HYAL4: variants seen among roughly 807,000 people sequenced by gnomAD.
The protein encoded by HYAL4 is hyaluronidase 4.
Under a neutral mutation model 35.2 loss-of-function variants are expected in HYAL4, and 37 were observed. That is an observed-to-expected ratio of 1.05 (90% CI 0.81 to 1.38). The LOEUF is 1.38. Among genes scored for constraint, HYAL4 ranks in the 40% most tolerant of loss-of-function variants. The probability of loss-of-function intolerance (pLI) is 0.00; values close to 1 mark genes in which losing one functional copy is unlikely to be tolerated. For missense variants in HYAL4, 572 were observed against 572.4 expected, an observed-to-expected ratio of 1.00 and a Z score of 0.01; for synonymous variants, 198 against 203.2, an observed-to-expected ratio of 0.97 and a Z score of 0.22.
chr7:123,856,517 A>G (rs536724722), intron 2 of HYAL4, among the ~76,000 whole-genome samples: 24 of 152,112 alleles, frequency 1.6e-4, no homozygotes, highest in Non-Finnish European at 2.9e-4. Context: ...TGGTATCACT[A>G]GGAGGCTGCA....
Position 123,868,671 on chromosome 7 carries a change from T to C in HYAL4, c.398T>C (p.Ile133Thr). The C allele has an allele frequency of 1.9e-6, 3 of 1,613,788 alleles. No individual in the cohort carries two copies. Among genetic ancestry groups the C allele is most frequent in the South Asian group, 1.1e-5 (1 of 90,904 alleles). The change falls in exon 3 of 5, where the codon ATC becomes ACC. Residue 133 changes from isoleucine (I) to threonine (T), a missense_variant. Ile to Thr is a moderately conservative substitution (Grantham distance 89). Coordinates refer to ENST00000223026, the MANE Select transcript of HYAL4 (RefSeq NM_012269.3). ...GCTGACCAAGATATTAATTATTACA[T>C]CCCTGCTGAAGATTTCAGTGGACTT... ...EKADQDINYY[I>T]PAEDFSGLAV...
chr7:123,783,177 A>T, the HYAL4 span, among the ~76,000 whole-genome samples: 5 of 152,154 alleles, frequency 3.3e-5, no homozygotes, highest in East Asian at 7.7e-4. Flanking sequence ...ATAAATATTC[A>T]TCCCATGCGT....
upstream of HYAL4, chr7:123,844,147 G>A (rs1806126121): frequency 6.6e-6 from 1 of 151,936 alleles, no homozygotes; most frequent in African/African-American, 2.4e-5. Context: ...ATCTACCTTT[G>A]GTCTTTGATG....
chr7:123,868,707 A>T lies in HYAL4; in HGVS notation c.434A>T (p.Asp145Val). The change falls in exon 3 of 5, where the codon GAT becomes GTT. Residue 145 changes from aspartate (D) to valine (V), a missense_variant. Asp to Val is a radical substitution (Grantham distance 152). Coordinates refer to ENST00000223026, the MANE Select transcript of HYAL4 (RefSeq NM_012269.3). ...GATTTCAGTGGACTTGCTGTTATAGATTGGGAATATTGGCGACCACAGTGG... is the reference window on the plus strand; with the variant it reads ...GATTTCAGTGGACTTGCTGTTATAGTTTGGGAATATTGGCGACCACAGTGG... ...AEDFSGLAVI[D>V]WEYWRPQWAR... is the part of the protein sequence containing the mutation. 6.2e-7 allele frequency: 1 copy of T among 1,613,762 alleles called. No homozygotes were observed. The highest frequency in any genetic ancestry group is 8.5e-7 in the Non-Finnish European group (1 of 1,179,962).
At chr7:123,777,339 AAAT>A in the HYAL4 span, among the ~76,000 whole-genome samples, 12 of 152,160 alleles carry the variant, frequency 7.9e-5, no homozygotes, top group Admixed American at 4.6e-4. Context: ...TAACATATTG[AAAT>A]AATAATGTCT....
the HYAL4 span, among the ~76,000 whole-genome samples, chr7:123,785,498 G>A: frequency 2.6e-4 from 40 of 152,138 alleles, 1 homozygote; most frequent in African/African-American, 9.2e-4. The surrounding 1 kb of genome is among the most constrained non-coding windows in gnomAD (Gnocchi z 4.5). Flanking sequence ...CAGAAGGGCT[G>A]CACTCAATGT....
chr7:123,856,821 A>G (rs1187500810), intron 2 of HYAL4, among the ~76,000 whole-genome samples: 5 of 152,130 alleles, frequency 3.3e-5, no homozygotes, highest in Admixed American at 2.6e-4. Flanking sequence ...TCCTAGGGCA[A>G]TGGGAGTTTT....
chr7:123,763,913 C>T, the HYAL4 span, among the ~76,000 whole-genome samples: 1 of 152,204 alleles, frequency 6.6e-6, no homozygotes, highest in South Asian at 2.1e-4. Context: ...ACACTTTATT[C>T]CCTCTCCTTG....
At chr7:123,866,919 T>C (rs1806703251) in intron 2 of HYAL4, among the ~76,000 whole-genome samples, 1 of 151,972 alleles carries the variant, frequency 6.6e-6, no homozygotes, top group Non-Finnish European at 1.5e-5. Context: ...GCCTCCTCAG[T>C]AGCTGGGACT....
At chr7:123,812,417 A>G in the HYAL4 span, among the ~76,000 whole-genome samples, 1 of 152,178 alleles carries the variant, frequency 6.6e-6, no homozygotes, top group African/African-American at 2.4e-5. Flanking sequence ...TATAATGCAT[A>G]TTTTTGTTAC....
chr7:123,854,847 T>C (rs1055819843), intron 2 of HYAL4, among the ~76,000 whole-genome samples: 1 of 152,204 alleles, frequency 6.6e-6, no homozygotes, highest in Admixed American at 6.5e-5. Context: ...TATTATTGTG[T>C]GGGAGTCTAT....
the HYAL4 span, among the ~76,000 whole-genome samples, chr7:123,773,222 C>T: frequency 1.3e-5 from 2 of 152,122 alleles, no homozygotes; most frequent in Admixed American, 1.3e-4. Context: ...TCCAGGTGCT[C>T]TTCTTGTATG....
chr7:123,831,034 C>T (rs1396613453), intron 1 of HYAL4, among the ~76,000 whole-genome samples: 1 of 152,180 alleles, frequency 6.6e-6, no homozygotes, highest in Non-Finnish European at 1.5e-5. Flanking sequence ...CCCACCAAAA[C>T]TCACATTGAA....
chr7:123,784,162 G>A, the HYAL4 span, among the ~76,000 whole-genome samples: 1 of 152,132 alleles, frequency 6.6e-6, no homozygotes, highest in Non-Finnish European at 1.5e-5. Flanking sequence ...AGTACGTCTA[G>A]TCTTGATTTA....
chr7:123,877,259 T>C lies in HYAL4; in HGVS notation c.*104T>C. 1.8e-6 allele frequency: 2 copies of C among 1,115,226 alleles called. No individual in the cohort carries two copies. The highest frequency in any genetic ancestry group is 2.6e-6 in the Non-Finnish European group (2 of 780,926). 69.1% of individuals were successfully genotyped at this position (1,115,226 alleles called of 1,614,324 possible). On this transcript the variant is annotated 3_prime_UTR_variant, in exon 5 of 5. Transcript: ENST00000223026. ...CTCTTATGAATTCTATTGAGAGATA[T>C]TATAAGTAGACATTATGTATGTCAC...
intron 2 of HYAL4, among the ~76,000 whole-genome samples, chr7:123,850,491 C>T (rs1806278811): frequency 1.3e-5 from 2 of 152,098 alleles, no homozygotes; most frequent in African/African-American, 2.4e-5. Context: ...TCCTCCTCCT[C>T]GGCCTCCCAA....
At chr7:123,866,600 A>G (rs912123034) in intron 2 of HYAL4, among the ~76,000 whole-genome samples, 2 of 152,160 alleles carry the variant, frequency 1.3e-5, no homozygotes, top group Non-Finnish European at 2.9e-5. Flanking sequence ...CATAACCACA[A>G]TGCATTTTCA....
chr7:123,791,063 C>T, the HYAL4 span, among the ~76,000 whole-genome samples: 15,158 of 152,082 alleles, frequency 0.1, 837 homozygotes, highest in East Asian at 0.15. Flanking sequence ...CTGTGCCTGG[C>T]CTGAATATCA....
chr7:123,826,905 C>T (rs1457323293), upstream of HYAL4, among the ~76,000 whole-genome samples: 2 of 152,118 alleles, frequency 1.3e-5, no homozygotes, highest in Non-Finnish European at 2.9e-5. Context: ...TGATGAATAA[C>T]TCCAAGATTT....
Sources: gnomAD v4.1 joint callset for allele counts (sites outside exome capture counted in the v4.1 genomes callset) on GRCh38, gnomAD v4.1.1 for gene constraint, Gnocchi (gnomAD v3.1) non-coding constraint, MANE v1.5 for transcripts, NCBI Gene and HGNC (gene_info 2026-07-23, HGNC 2026-07-21) for gene names.